The following NFKBID variants were observed in gnomAD, a reference collection of about 807,000 sequenced individuals.
NFKBID encodes NFKB inhibitor delta.
Under a neutral mutation model 53.4 loss-of-function variants are expected in NFKBID, and 26 were observed. The observed-to-expected ratio is 0.49, with a 90% CI of 0.36 to 0.68. NFKBID has a LOEUF of 0.68. Ranked by LOEUF, NFKBID falls within the 30% of genes least tolerant of loss-of-function variation. The pLI is 0.00. For missense variants in NFKBID, 493 were observed against 614.1 expected (o/e 0.80, Z 2.08); for synonymous variants, 262 against 259.8 (o/e 1.01, Z -0.08).
intron 9 of NFKBID, chr19:35,890,723 G>C: frequency 1.9e-6 from 1 of 525,656 alleles, no homozygotes; most frequent in Middle Eastern, 5.3e-4. Context: ...AATTAGCCAG[G>C]CGTGGTGGTG....
At position 35,896,239 on chromosome 19, in the gene NFKBID, G is replaced by A; in HGVS notation, c.862C>T (p.Leu288=). Residue 288 remains leucine, a synonymous_variant, in exon 8 of 12, where the codon CTG becomes TTG. Transcript: ENST00000641389. This position sits in a 1 kb window ranked among gnomAD's most constrained non-coding sequence, Gnocchi z 5.7. ...TTACCCTCGAAGTCTCTGGCTTCCA[G>A]GTCAACCTGGACCCCAGAGTTAAGC... is the stretch of plus-strand genomic sequence containing the variant. The A allele has an allele frequency of 6.2e-7, 1 of 1,614,212 alleles. No homozygotes were observed. Among genetic ancestry groups the A allele is most frequent in the Non-Finnish European group, 8.5e-7 (1 of 1,180,034 alleles).
At chr19:35,901,810 C>T, upstream of NFKBID, 1 of 234,440 alleles carries the variant, frequency 4.3e-6, no homozygotes, top group Non-Finnish European at 8.6e-6. Context: ...ATCCCCCCAC[C>T]TTGGCCTCCC....
chr19:35,900,885 G>C (rs1484978837), upstream of NFKBID, among the ~76,000 whole-genome samples: 1 of 145,484 alleles, frequency 6.9e-6, no homozygotes, highest in Non-Finnish European at 1.5e-5. Context: ...TGTCGCCCAG[G>C]CTGGAGTGCA....
rs1975112970 is a variant in NFKBID, at chr19:35,895,982, G to A, written c.1030C>T (p.Gln344Ter). ...TGACCGCCCACATCCCCGCTCACCT[G>A]GCTGGTGTGATTAGCACCCATTTGC... is the stretch of plus-strand genomic sequence containing the variant. The change falls in exon 9 of 12, where the codon CAG becomes TAG. Residue 344 changes from glutamine (Q) to a stop codon, truncating the protein, a stop_gained and splice_region_variant. Transcript: ENST00000641389. LOFTEE classifies it high-confidence loss of function. 1.2e-6 allele frequency: 2 copies of A among 1,613,618 alleles called. No individual in the cohort carries two copies. Among genetic ancestry groups the A allele is most frequent in the South Asian group, 1.1e-5 (1 of 91,034 alleles).
intron 9 of NFKBID, among the ~76,000 whole-genome samples, chr19:35,893,962 A>C (rs1420459123): frequency 2.6e-5 from 4 of 151,236 alleles, no homozygotes; most frequent in African/African-American, 9.7e-5. Flanking sequence ...TTAACTAAAA[A>C]AACATTTTTC....
Position 35,896,199 on chromosome 19 carries a change from C to G in NFKBID, c.883+19G>C. 1 of 1,614,216 alleles carries G rather than the reference C, an allele frequency of 6.2e-7. No individual in the cohort carries two copies. ...CCCAGCCACACCAACCACACCAGCC[C>G]TGCCCACACCCAACTTACCCTCGAA... On this transcript the variant is annotated intron_variant, in intron 8 of 11. Coordinates refer to ENST00000641389, the Ensembl canonical transcript of NFKBID. The surrounding 1 kb of genome is among the most constrained non-coding windows in gnomAD (Gnocchi z 5.7).
At chr19:35,900,315 C>T in intron 1 of NFKBID, 127 bp downstream of exon 1, 3 of 725,956 alleles carry the variant, frequency 4.1e-6, no homozygotes, top group Non-Finnish European at 5.7e-6. Context: ...CTCCAAACAC[C>T]TAGGGCCCTC....
At chr19:35,895,853 A>T in intron 9 of NFKBID, 127 bp downstream of exon 9, 1 of 787,028 alleles carries the variant, frequency 1.3e-6, no homozygotes, top group Non-Finnish European at 2.1e-6. Context: ...CAGAGAAGTG[A>T]AGTAACATGT....
chr19:35,888,212 G>C (rs1568482400), downstream of NFKBID: 1 of 274,564 alleles, frequency 3.6e-6, no homozygotes, highest in East Asian at 9.8e-5. Flanking sequence ...CCACGTAGGG[G>C]GATTACATCT....
exon 10 of NFKBID, chr19:35,890,460 A>G (rs1974684140): frequency 2.0e-5 from 33 of 1,613,858 alleles, no homozygotes; most frequent in Non-Finnish European, 2.6e-5. Flanking sequence ...TGCACGGCCA[A>G]GTGCAGAACT....
Position 35,896,348 on chromosome 19 carries a change from C to G in NFKBID, c.831+44G>C, listed in dbSNP as rs201817618. On this transcript the variant is annotated intron_variant, in intron 7 of 11. Coordinates refer to ENST00000641389, the Ensembl canonical transcript of NFKBID. This position sits in a 1 kb window ranked among gnomAD's most constrained non-coding sequence, Gnocchi z 5.7. ...CCCTGGAAGCCAAAATCTGGGCAAC[C>G]AGTCTACCCCCCAGACAAACCCCTG... is the stretch of plus-strand genomic sequence containing the variant. 41 of 1,613,752 alleles carry G rather than the reference C, an allele frequency of 2.5e-5. No homozygotes were observed. In the Admixed American group the frequency reaches 6.2e-4, roughly 24 times the overall value.
intron 9 of NFKBID, among the ~76,000 whole-genome samples, chr19:35,895,591 C>T (rs1055852392): frequency 3.9e-5 from 6 of 152,082 alleles, no homozygotes; most frequent in African/African-American, 1.4e-4. Flanking sequence ...CACCTGAGGT[C>T]GGGAGTTCGA....
chr19:35,895,605 C>T (rs562133076), intron 9 of NFKBID, among the ~76,000 whole-genome samples: 52 of 152,148 alleles, frequency 3.4e-4, no homozygotes, highest in African/African-American at 9.9e-4. Context: ...AGTTCGAGAC[C>T]AGCAAGACCA....
At chr19:35,900,634 G>C (rs1480624770) in exon 1 of NFKBID, 2 of 1,229,054 alleles carry the variant, frequency 1.6e-6, no homozygotes, top group East Asian at 3.2e-5. Context: ...GGAGTCCCCG[G>C]GTCGCGCTCC....
At chr19:35,891,169 A>C (rs1208218511) in intron 9 of NFKBID, among the ~76,000 whole-genome samples, 2 of 152,232 alleles carry the variant, frequency 1.3e-5, no homozygotes, top group Admixed American at 6.5e-5. Flanking sequence ...TGGCAGCATT[A>C]ATCAGTGGAC....
chr19:35,896,021 C>T lies in NFKBID; in HGVS notation c.991G>A (p.Val331Ile), dbSNP rs758371935. ...GCACCCATTTGCAGCAACATGTGGA[C>T]ACAATCCAGCCTGTCTCGGGCCTGT... The change falls in exon 9 of 12, where the codon GTC becomes ATC. Residue 331 changes from valine to isoleucine, a missense_variant. Around this residue, in one of 2 missense-constraint regions of NFKBID, gnomAD observed 267 missense variants for 384.6 expected, o/e 0.69. Coordinates refer to ENST00000641389, the Ensembl canonical transcript of NFKBID. The surrounding 1 kb of genome is among the most constrained non-coding windows in gnomAD (Gnocchi z 5.7). 6.2e-7 allele frequency: 1 copy of T among 1,614,222 alleles called. No individual in the cohort carries two copies. Among genetic ancestry groups the T allele is most frequent in the South Asian group, 1.1e-5 (1 of 91,090 alleles).
intron 9 of NFKBID, among the ~76,000 whole-genome samples, chr19:35,893,329 C>A (rs928284672): frequency 6.6e-6 from 1 of 152,158 alleles, no homozygotes; most frequent in Non-Finnish European, 1.5e-5. Context: ...CTCTACTTTG[C>A]AACCATTAAG....
chr19:35,896,573 G>C lies in NFKBID; in HGVS notation c.685-35C>G, dbSNP rs1434973590. On this transcript the variant is annotated intron_variant, in intron 6 of 11. Coordinates refer to ENST00000641389, the Ensembl canonical transcript of NFKBID. This position sits in a 1 kb window ranked among gnomAD's most constrained non-coding sequence, Gnocchi z 5.7. Reference sequence around the variant, plus strand: ...ACAGGAGAAGTCAGGTTGGGCTCCTGGTTCCCTCCCGTCAGAAAACCAGGC... The same window carrying C: ...ACAGGAGAAGTCAGGTTGGGCTCCTCGTTCCCTCCCGTCAGAAAACCAGGC... 3 of 1,610,660 alleles carry C rather than the reference G, an allele frequency of 1.9e-6. No individual in the cohort carries two copies. In the Admixed American group the frequency reaches 5.0e-5, roughly 27 times the overall value.
intron 1 of NFKBID, 115 bp downstream of exon 1, chr19:35,900,327 C>A (rs1975491226): frequency 2.4e-6 from 2 of 823,166 alleles, no homozygotes; most frequent in Admixed American, 8.6e-5. Flanking sequence ...AGGGCCCTCA[C>A]TCTCGGGATA....
Sources: allele counts gnomAD v4.1 joint callset (sites outside exome capture counted in the v4.1 genomes callset), GRCh38; gene constraint gnomAD v4.1.1; regional missense constraint gnomAD v4.1.1; non-coding constraint Gnocchi (gnomAD v3.1); transcripts MANE v1.5; gene names NCBI Gene and HGNC (gene_info 2026-07-23, HGNC 2026-07-21).